The following GSTM5 variants were observed in gnomAD, a reference collection of about 807,000 sequenced individuals.
GSTM5 encodes glutathione S-transferase mu 5.
In GSTM5, 24 loss-of-function variants were observed where a neutral mutation model predicts 29.0. The observed-to-expected ratio is 0.83, with a 90% CI of 0.60 to 1.16. The LOEUF is 1.16. Among genes scored for constraint, GSTM5 ranks in the 50% most tolerant of loss-of-function variants. The pLI is 0.00. For synonymous variants in GSTM5, 91 were observed against 93.6 expected (o/e 0.97, Z 0.16); for missense variants, 290 against 263.0 (o/e 1.10, Z -0.71).
rs748081282 is a variant in GSTM5, at chr1:109,717,592, C to T, written c.*166C>T. Reference sequence around the variant, plus strand: ...CCTTTCTTCTAACATCATCCCTCCCCGCATCGAGGCTCTTTAAAGCTTCAG... The same window carrying T: ...CCTTTCTTCTAACATCATCCCTCCCTGCATCGAGGCTCTTTAAAGCTTCAG... On this transcript the variant is annotated 3_prime_UTR_variant, in exon 8 of 8. Transcript: ENST00000256593. The T allele has an allele frequency of 2.4e-5, 14 of 571,936 alleles. No homozygotes were observed. The highest frequency in any genetic ancestry group is 9.1e-5 in the East Asian group (3 of 32,960). 35.4% of individuals were successfully genotyped at this position (571,936 alleles called of 1,614,324 possible). A position where few individuals can be genotyped will look rare whatever the true frequency, so the allele number is the denominator to read the frequency against.
chr1:109,713,657 G>A lies in GSTM5; in HGVS notation c.260-4G>A, dbSNP rs1449064652. The A allele has an allele frequency of 3.1e-6, 5 of 1,614,094 alleles. No homozygotes were observed. The East Asian group carries it at 8.9e-5, about 29-fold the overall frequency. ...AGATTGAGTCTGTGTTTTGTGGGTG[G>A]CAGGTGGGGAGACAGAAGAGGAGAA... On this transcript the variant is annotated splice_region_variant and splice_polypyrimidine_tract_variant and intron_variant, in intron 4 of 7. Coordinates refer to ENST00000256593, the MANE Select transcript of GSTM5 (RefSeq NM_000851.4).
chr1:109,717,601 G>A lies in GSTM5; in HGVS notation c.*175G>A, dbSNP rs1648796699. 2.3e-5 allele frequency: 13 copies of A among 559,028 alleles called. No homozygotes were observed. The East Asian group carries it at 3.4e-4, about 15-fold the overall frequency. The allele number at this position is 559,028 out of a possible 1,614,324, so 34.6% of individuals were successfully genotyped here. A position where few individuals can be genotyped will look rare whatever the true frequency, so the allele number is the denominator to read the frequency against. On this transcript the variant is annotated 3_prime_UTR_variant, in exon 8 of 8. Coordinates refer to ENST00000256593, the MANE Select transcript of GSTM5 (RefSeq NM_000851.4). ...TAACATCATCCCTCCCCGCATCGAG[G>A]CTCTTTAAAGCTTCAGCTCCCCACT...
chr1:109,717,602 C>T lies in GSTM5; in HGVS notation c.*176C>T, dbSNP rs1361187379. 1 of 560,660 alleles carries T rather than the reference C, an allele frequency of 1.8e-6. No individual in the cohort carries two copies. Among genetic ancestry groups the T allele is most frequent in the Non-Finnish European group, 3.2e-6 (1 of 309,882 alleles). The allele number at this position is 560,660 out of a possible 1,614,324, so 34.7% of individuals were successfully genotyped here. A position where few individuals can be genotyped will look rare whatever the true frequency, so the allele number is the denominator to read the frequency against. On this transcript the variant is annotated 3_prime_UTR_variant, in exon 8 of 8. Transcript: ENST00000256593. ...AACATCATCCCTCCCCGCATCGAGG[C>T]TCTTTAAAGCTTCAGCTCCCCACTG...
In GSTM5 at chr1:109,715,134, C is replaced by T. The variant is rs754907592; in HGVS notation, c.461C>T (p.Thr154Ile). Residue 154 changes from threonine (T) to isoleucine (I), a missense_variant, in exon 7 of 8, where the codon ACC becomes ATC. Thr to Ile is a moderately conservative substitution (Grantham distance 89, BLOSUM62 -1). Transcript: ENST00000256593. ...CACATTCTTGGCCTTCTTCAGATCA[C>T]CTTTGTGGATTTCCTTGCCTATGAT... The part of the protein sequence containing the change: ...KRPWFAGDKI[T>I]FVDFLAYDVL... The T allele has an allele frequency of 6.2e-7, 1 of 1,614,242 alleles. No homozygotes were observed. Among genetic ancestry groups the T allele is most frequent in the Middle Eastern group, 1.6e-4 (1 of 6,062 alleles).
intron 2 of GSTM5, 90 bp from the exon 3 acceptor site, chr1:109,713,029 C>T: frequency 6.8e-7 from 1 of 1,464,400 alleles, no homozygotes; most frequent in East Asian, 2.3e-5. Context: ...CCACCTGTCT[C>T]AGGGATCTTG....
chr1:109,717,497 C>T lies in GSTM5; in HGVS notation c.*71C>T, dbSNP rs1349550245. The stretch of plus-strand genomic sequence containing the variant: ...CCTGCGACCCTGGAGGACAGCCTGA[C>T]TCCCTGGACCTGCCTTCTTCCTTTT... On this transcript the variant is annotated 3_prime_UTR_variant, in exon 8 of 8. Coordinates refer to ENST00000256593, the MANE Select transcript of GSTM5 (RefSeq NM_000851.4). The T allele has an allele frequency of 9.9e-7, 1 of 1,009,550 alleles. No homozygotes were observed. Among genetic ancestry groups the T allele is most frequent in the African/African-American group, 1.6e-5 (1 of 63,254 alleles). 62.5% of individuals were successfully genotyped at this position (1,009,550 alleles called of 1,614,324 possible).
intron 4 of GSTM5, 33 bp from the exon 5 acceptor site, chr1:109,713,628 G>A (rs148602914): frequency 4.7e-4 from 756 of 1,614,188 alleles, no homozygotes; most frequent in African/African-American, 9.6e-4. Context: ...GGGCTGTGAT[G>A]CTGAGATTGA....
chr1:109,712,813 T>C, intron 2 of GSTM5, 120 bp downstream of exon 2: 2 of 1,168,228 alleles, frequency 1.7e-6, no homozygotes, highest in Non-Finnish European at 2.6e-6. Flanking sequence ...AGGCTGTCCC[T>C]TCCCTGAGCT....
chr1:109,716,465 G>C (rs1648751158), intron 7 of GSTM5: 1 of 154,314 alleles, frequency 6.5e-6, no homozygotes, highest in African/African-American at 2.4e-5. Flanking sequence ...GAATTCTTTA[G>C]AAGTTACATG....
At chr1:109,712,165 C>T, upstream of GSTM5, 4 of 868,914 alleles carry the variant, frequency 4.6e-6, no homozygotes, top group South Asian at 1.3e-5. Flanking sequence ...GGCGCTCGCT[C>T]GGGGGCCTAC....
intron 7 of GSTM5, chr1:109,715,929 G>A (rs1432602402): frequency 1.5e-5 from 12 of 807,396 alleles, no homozygotes; most frequent in Middle Eastern, 5.2e-4. Context: ...AATGTTCCAC[G>A]TCTTCCCCCT....
chr1:109,717,714 C>T lies in GSTM5; in HGVS notation c.*288C>T, dbSNP rs1440390535. 2 of 374,978 alleles carry T rather than the reference C, an allele frequency of 5.3e-6. No individual in the cohort carries two copies. Among genetic ancestry groups the T allele is most frequent in the Admixed American group, 3.9e-5 (1 of 25,742 alleles). The allele number at this position is 374,978 out of a possible 1,614,324, so 23.2% of individuals were successfully genotyped here. A position where few individuals can be genotyped will look rare whatever the true frequency, so the allele number is the denominator to read the frequency against. ...CTTTTCCTGTCAGTGCTTTTCTCTTCTTTGAGAAGCCAGACTGATCTCTGA... is the reference window on the plus strand; with the variant it reads ...CTTTTCCTGTCAGTGCTTTTCTCTTTTTTGAGAAGCCAGACTGATCTCTGA... On this transcript the variant is annotated 3_prime_UTR_variant, in exon 8 of 8. Coordinates refer to ENST00000256593, the MANE Select transcript of GSTM5 (RefSeq NM_000851.4).
At chr1:109,712,826 C>G (rs757332183) in intron 2 of GSTM5, 133 bp downstream of exon 2, 13 of 1,067,196 alleles carry the variant, frequency 1.2e-5, no homozygotes, top group African/African-American at 4.7e-5. Flanking sequence ...CCTGAGCTCC[C>G]GTGAGTGAGC....
chr1:109,713,583 C>A lies in GSTM5; in HGVS notation c.259+18C>A, dbSNP rs780049012. On this transcript the variant is annotated intron_variant, in intron 4 of 7. Transcript: ENST00000256593. ...CAACCTGTGTGAGTGTGGGTGGCTG[C>A]AATGTGCGGGGGGAAGGTGACCTCC... The A allele has an allele frequency of 1.2e-6, 2 of 1,614,162 alleles. No individual in the cohort carries two copies. Among genetic ancestry groups the A allele is most frequent in the Non-Finnish European group, 1.7e-6 (2 of 1,180,024 alleles).
rs144877199 is a variant in GSTM5, at chr1:109,712,628, C to G, written c.47C>G (p.Ala16Gly). 2.5e-4 allele frequency: 396 copies of G among 1,614,028 alleles called. No individual in the cohort carries two copies. Among genetic ancestry groups the G allele is most frequent in the Non-Finnish European group, 3.2e-4 (383 of 1,180,016 alleles). Residue 16 changes from alanine (A) to glycine (G), a missense_variant, in exon 2 of 8, where the codon GCC (alanine) becomes GGC (glycine). Transcript: ENST00000256593. ...GGCCATCTCTCCCAGCTGGCCCACG[C>G]CATCCGCTTGCTCCTGGAATACACA... is the stretch of plus-strand genomic sequence containing the variant. ...GYWDIRGLAH[A>G]IRLLLEYTDS... is the part of the protein sequence containing the mutation.
At chr1:109,715,505 G>A in intron 7 of GSTM5, 1 of 1,470,334 alleles carries the variant, frequency 6.8e-7, no homozygotes, top group Non-Finnish European at 9.0e-7. Context: ...GGGTCCCAGA[G>A]CCAGTGGAGG....
intron 5 of GSTM5, 173 bp from the exon 6 acceptor site, chr1:109,714,774 G>C (rs1648684612): frequency 4.5e-6 from 3 of 664,004 alleles, no homozygotes; most frequent in Admixed American, 2.6e-5. Flanking sequence ...CACCCAGTCA[G>C]AGTCTAATAA....
In GSTM5 at chr1:109,712,686, G is replaced by A. The variant is rs1233996334; in HGVS notation, c.105G>A (p.Leu35=). 1 of 1,614,166 alleles carries A rather than the reference G, an allele frequency of 6.2e-7. No homozygotes were observed. Among genetic ancestry groups the A allele is most frequent in the African/African-American group, 1.3e-5 (1 of 75,056 alleles). The change falls in exon 2 of 8, where the codon CTG becomes CTA. Residue 35 remains leucine (L), a synonymous_variant. Coordinates refer to ENST00000256593, the MANE Select transcript of GSTM5 (RefSeq NM_000851.4). Reference sequence around the variant, plus strand: ...GCTATGTGGAAAAGAAGTACACGCTGGGGGACGGTAATGGCACCCTCGTGT... The same window carrying A: ...GCTATGTGGAAAAGAAGTACACGCTAGGGGACGGTAATGGCACCCTCGTGT... The part of the protein sequence containing the change: ...DSSYVEKKYT[L]GDAPDYDRSQ...
chr1:109,715,670 G>C, intron 7 of GSTM5: 1 of 548,028 alleles, frequency 1.8e-6, no homozygotes, highest in South Asian at 2.2e-5. Flanking sequence ...CACGGATGCA[G>C]CTGGCAATAG....
Sources: gnomAD v4.1 joint callset for allele counts on GRCh38, gnomAD v4.1.1 for gene constraint, MANE v1.5 for transcripts, NCBI Gene and HGNC (gene_info 2026-07-23, HGNC 2026-07-21) for gene names.